PRKN: variants seen among roughly 807,000 people sequenced by gnomAD.
PRKN encodes the protein E3 ubiquitin-protein ligase parkin.
In PRKN, 56 loss-of-function variants were observed where a neutral mutation model predicts 59.5. That is an observed-to-expected ratio of 0.94 (90% CI 0.76 to 1.18). The LOEUF is 1.18. Among genes scored for constraint, PRKN ranks in the 50% most tolerant of loss-of-function variants. PRKN has a pLI of 0.00. For synonymous variants in PRKN, 250 were observed against 222.1 expected (o/e 1.13, Z -1.12); for missense variants, 657 against 596.4 (o/e 1.10, Z -1.06).
At chr6:162,271,355 T>C (rs1253722132) in intron 2 of PRKN, 3 of 151,966 alleles carry the variant, frequency 2.0e-5, no homozygotes, top group Non-Finnish European at 4.4e-5. Context: ...CTGGCCAATG[T>C]AGTGAAACCC....
At chr6:162,187,598 T>C (rs1784084979) in intron 4 of PRKN, among the ~76,000 whole-genome samples, 1 of 152,082 alleles carries the variant, frequency 6.6e-6, no homozygotes, top group Non-Finnish European at 1.5e-5. Flanking sequence ...AAGCTTTTTA[T>C]TTGTTTAGTT....
chr6:162,600,221 T>C (rs1296812216), intron 1 of PRKN, among the ~76,000 whole-genome samples: 3 of 152,192 alleles, frequency 2.0e-5, no homozygotes, highest in Non-Finnish European at 4.4e-5. Context: ...CTTAACTTCA[T>C]GCCATCACGT....
chr6:162,625,487 C>T (rs923909602), intron 1 of PRKN, among the ~76,000 whole-genome samples: 1 of 152,166 alleles, frequency 6.6e-6, no homozygotes, highest in East Asian at 1.9e-4. Context: ...TGTTCAGGAA[C>T]CTAAGATGAG....
intron 1 of PRKN, among the ~76,000 whole-genome samples, chr6:162,717,720 A>G (rs913476891): frequency 6.6e-6 from 1 of 152,228 alleles, no homozygotes; most frequent in Non-Finnish European, 1.5e-5. Flanking sequence ...CCATGCCCCG[A>G]TAGTGTATAA....
At chr6:162,376,275 C>T (rs547987846) in intron 2 of PRKN, among the ~76,000 whole-genome samples, 1 of 151,990 alleles carries the variant, frequency 6.6e-6, no homozygotes. Flanking sequence ...CTAGAATACG[C>T]TGAATTTAGC....
intron 1 of PRKN, among the ~76,000 whole-genome samples, chr6:162,498,453 T>TC (rs1433783577): frequency 2.5e-5 from 3 of 121,662 alleles, no homozygotes; most frequent in Non-Finnish European, 3.5e-5. Flanking sequence ...TTTTTTTTTT[T>TC]TTTTTTTTTG....
intron 2 of PRKN, among the ~76,000 whole-genome samples, chr6:162,287,047 A>G (rs1583317798): frequency 6.6e-6 from 1 of 152,206 alleles, no homozygotes; most frequent in East Asian, 1.9e-4. Context: ...GGAAGCACTT[A>G]AGATGAACCC....
intron 2 of PRKN, among the ~76,000 whole-genome samples, chr6:162,336,002 T>C (rs533407847): frequency 6.6e-6 from 1 of 151,440 alleles, no homozygotes. Context: ...CTCTGAGCAG[T>C]GCGGCCCATC....
At chr6:162,274,159 T>A (rs983477720) in intron 2 of PRKN, among the ~76,000 whole-genome samples, 1 of 151,806 alleles carries the variant, frequency 6.6e-6, no homozygotes, top group African/African-American at 2.4e-5. Context: ...GTAATTTAAT[T>A]AATTAATTTA....
chr6:162,009,686 A>C (rs1216635142), intron 5 of PRKN, among the ~76,000 whole-genome samples: 1 of 151,918 alleles, frequency 6.6e-6, no homozygotes. Context: ...CTGTAATCCC[A>C]GCACTTTGGG....
At chr6:161,993,657 G>A (rs968381111) in intron 5 of PRKN, among the ~76,000 whole-genome samples, 1 of 152,136 alleles carries the variant, frequency 6.6e-6, no homozygotes, top group Admixed American at 6.6e-5. Context: ...AAAGGAATAG[G>A]CCAAGATCAC....
rs34279714 is a variant in PRKN at position 161,352,771 on chromosome 6, A to ATATATATATT, written c.1286-2561_1286-2560insAATATATATA. Among the ~76,000 whole-genome samples the ATATATATATT allele has an allele frequency of 1.6e-3, 192 of 116,884 alleles. 3 individuals are homozygous for ATATATATATT. Among genetic ancestry groups the ATATATATATT allele is most frequent in the Middle Eastern group, 5.2e-3 (1 of 192 alleles). 76.7% of individuals were successfully genotyped at this position (116,884 alleles called of 152,430 possible). A position where few individuals can be genotyped will look rare whatever the true frequency, so the allele number is the denominator to read the frequency against. On this transcript the variant is annotated intron_variant, in intron 11 of 11. Coordinates refer to ENST00000366898, the MANE Select transcript of PRKN (RefSeq NM_004562.3). This position sits in a 1 kb window ranked among gnomAD's most constrained non-coding sequence, Gnocchi z 5.8. The stretch of plus-strand genomic sequence containing the variant: ...TGTGTGTGTGTATATATATATATAT[A>ATATATATATT]TTTTATTTTATTTTATTTTATTTTT...
intron 1 of PRKN, among the ~76,000 whole-genome samples, chr6:162,650,075 C>T (rs12211412): frequency 6.6e-6 from 1 of 152,138 alleles, no homozygotes; most frequent in African/African-American, 2.4e-5. Flanking sequence ...GTTAAGATTG[C>T]TAAAAGTGAC....
rs377344238 is a variant in PRKN, at chr6:162,054,154, A to T, written c.555T>A (p.Asp185Glu). The T allele has an allele frequency of 6.2e-7, 1 of 1,613,114 alleles. No individual in the cohort carries two copies. The highest frequency in any genetic ancestry group is 8.5e-7 in the Non-Finnish European group (1 of 1,179,040). Reference protein sequence around the residue: ...TLTQGPSCWDDVLIPNRMSGE... With the variant: ...TLTQGPSCWDEVLIPNRMSGE... ...CACTCATCCGGTTTGGAATTAAAAC[A>T]TCATCCCAGCAAGATGGACCCTTTG... The change falls in exon 5 of 12, where the codon GAT becomes GAA. Residue 185 changes from aspartate (D) to glutamate (E), a missense_variant. By Grantham distance (45) the Asp-to-Glu change is conservative. Transcript: ENST00000366898.
intron 4 of PRKN, among the ~76,000 whole-genome samples, chr6:162,099,395 A>T (rs1779874820): frequency 6.6e-6 from 1 of 152,234 alleles, no homozygotes; most frequent in Admixed American, 6.5e-5. Context: ...TTTTTTACTG[A>T]AAGTCAGCTT....
chr6:162,622,375 G>C (rs542318713), intron 1 of PRKN, among the ~76,000 whole-genome samples: 135 of 151,506 alleles, frequency 8.9e-4, no homozygotes, highest in African/African-American at 3.1e-3. Flanking sequence ...GTAGAGACGG[G>C]GTTTTGCAAT....
In PRKN at chr6:161,545,394, T is replaced by G. The variant is rs1779760603; in HGVS notation, c.1083+3460A>C. 6.2e-7 allele frequency: 1 copy of G among 1,612,382 alleles called. No individual in the cohort carries two copies. Among genetic ancestry groups the G allele is most frequent in the Non-Finnish European group, 8.5e-7 (1 of 1,179,652 alleles). ...TTGAACGATGTATTGAATGAGGCAC[T>G]CACTTCTCCCTGAGGCAGCTTATTT... On this transcript the variant is annotated intron_variant, in intron 9 of 11. Coordinates refer to ENST00000366898, the MANE Select transcript of PRKN (RefSeq NM_004562.3). This position sits in a 1 kb window ranked among gnomAD's most constrained non-coding sequence, Gnocchi z 4.1.
intron 2 of PRKN, among the ~76,000 whole-genome samples, chr6:162,441,604 C>T (rs1437537996): frequency 6.6e-6 from 1 of 152,070 alleles, no homozygotes. Context: ...AAATGGCAAT[C>T]CCATATGGTT....
At chr6:162,010,008 T>G (rs1231407016) in intron 5 of PRKN, among the ~76,000 whole-genome samples, 1 of 151,356 alleles carries the variant, frequency 6.6e-6, no homozygotes, top group Admixed American at 6.6e-5. Flanking sequence ...AACATCTGCA[T>G]GCTAACTTCA....
Sources: allele counts gnomAD v4.1 joint callset (sites outside exome capture counted in the v4.1 genomes callset), GRCh38; gene constraint gnomAD v4.1.1; non-coding constraint Gnocchi (gnomAD v3.1); transcripts MANE v1.5; gene names NCBI Gene and HGNC (gene_info 2026-07-23, HGNC 2026-07-21).